DGCR2: variants seen among roughly 807,000 people sequenced by gnomAD.
DGCR2 encodes the protein DiGeorge syndrome critical region gene 2, also known as integral membrane protein DGCR2/IDD.
In DGCR2, 24 loss-of-function variants were observed where a neutral mutation model predicts 51.6. The ratio of observed to expected loss-of-function variants is 0.47; its 90% CI spans 0.34 to 0.65. The LOEUF is 0.65. DGCR2 is among the 30% of genes least tolerant of loss of function. The pLI, the probability that DGCR2 is intolerant of heterozygous loss-of-function variation, is 0.01. For missense variants in DGCR2, 765 were observed against 772.1 expected (o/e 0.99, Z 0.11); for synonymous variants, 340 against 315.4 (o/e 1.08, Z -0.82).
At chr22:19,117,244 C>T (rs1247937399) in intron 1 of DGCR2, among the ~76,000 whole-genome samples, 1 of 152,232 alleles carries the variant, frequency 6.6e-6, no homozygotes, top group Non-Finnish European at 1.5e-5. Flanking sequence ...GGGGAAAGTG[C>T]CCACAAGCTA....
At position 19,122,118 on chromosome 22, in the gene DGCR2, C is replaced by A. The variant is rs1368417335; in HGVS notation, c.79+10G>T. The A allele has an allele frequency of 4.0e-6, 6 of 1,486,626 alleles. No homozygotes were observed. Among genetic ancestry groups the A allele is most frequent in the Non-Finnish European group, 5.4e-6 (6 of 1,117,074 alleles). The allele number at this position is 1,486,626 out of a possible 1,614,324, so 92.1% of individuals were successfully genotyped here. A position where few individuals can be genotyped will look rare whatever the true frequency, so the allele number is the denominator to read the frequency against. ...CCCAGCCCCCACACCGCCCCCATCG[C>A]GCGGCGCACCTGGCCGCAGCGGCTC... On this transcript the variant is annotated intron_variant, in intron 1 of 9. Coordinates refer to ENST00000263196, the MANE Select transcript of DGCR2 (RefSeq NM_005137.3).
At chr22:19,055,373 G>C (rs1362038657) in intron 6 of DGCR2, among the ~76,000 whole-genome samples, 1 of 151,956 alleles carries the variant, frequency 6.6e-6, no homozygotes, top group East Asian at 1.9e-4. Flanking sequence ...ACTTCATACA[G>C]GTACATTCTA....
intron 1 of DGCR2, among the ~76,000 whole-genome samples, chr22:19,103,286 A>C (rs1310398412): frequency 6.9e-6 from 1 of 145,828 alleles, no homozygotes; most frequent in African/African-American, 2.5e-5. Flanking sequence ...TGGGATGATA[A>C]AAAAAAAAAA....
At chr22:19,040,348 G>A (rs543890642) in intron 9 of DGCR2, among the ~76,000 whole-genome samples, 16 of 152,308 alleles carry the variant, frequency 1.1e-4, no homozygotes, top group South Asian at 6.2e-4. Context: ...CCATTCTGCC[G>A]AGATGGGCAG....
intron 1 of DGCR2, among the ~76,000 whole-genome samples, chr22:19,100,900 T>C (rs2083194430): frequency 6.6e-6 from 1 of 150,990 alleles, no homozygotes; most frequent in South Asian, 2.1e-4. Context: ...AGGTCAGGAG[T>C]TCAAGACCAG....
chr22:19,043,255 G>A (rs1021491648), intron 7 of DGCR2, among the ~76,000 whole-genome samples: 13 of 152,324 alleles, frequency 8.5e-5, no homozygotes, highest in Non-Finnish European at 1.5e-4. Context: ...GGTGGAGGCC[G>A]GGGTGCTGTT....
chr22:19,092,847 C>G (rs1306859450), intron 1 of DGCR2, among the ~76,000 whole-genome samples: 4 of 151,764 alleles, frequency 2.6e-5, no homozygotes, highest in African/African-American at 4.8e-5. Context: ...GAAGAAAGAA[C>G]AGGCCTTTCA....
intron 5 of DGCR2, among the ~76,000 whole-genome samples, chr22:19,060,289 C>T (rs547439550): frequency 7.2e-4 from 110 of 152,326 alleles, no homozygotes; most frequent in African/African-American, 2.6e-3. Context: ...CAGCGGGCAA[C>T]ACCATACAAT....
In DGCR2 at chr22:19,104,043, AAG is replaced by A. The variant is rs1409679339; in HGVS notation, c.80-14555_80-14554del. ...TTCTTTCAAAAGAGAGAGAGAAAAA[AAG>A]AGAGAATCCCAAGCATACATCCCAT... On this transcript the variant is annotated intron_variant, in intron 1 of 9. Transcript: ENST00000263196. 3.9e-5 allele frequency among the ~76,000 whole-genome samples: 6 copies of A among 152,262 alleles called. No homozygotes were observed. In the South Asian group the frequency reaches 1.0e-3, roughly 26 times the overall value.
chr22:19,081,271 T>C (rs1354808278), intron 2 of DGCR2, among the ~76,000 whole-genome samples: 1 of 152,242 alleles, frequency 6.6e-6, no homozygotes, highest in Non-Finnish European at 1.5e-5. Context: ...CTCCCAGTCT[T>C]ATATCCCTCT....
intron 5 of DGCR2, among the ~76,000 whole-genome samples, chr22:19,062,774 T>TGCTCTC (rs1555903868): frequency 8.8e-6 from 1 of 113,872 alleles, no homozygotes; most frequent in Non-Finnish European, 1.9e-5. Context: ...CACACATGCA[T>TGCTCTC]GCTCACTCTC....
chr22:19,112,342 T>C (rs535342554), intron 1 of DGCR2, among the ~76,000 whole-genome samples: 1 of 151,802 alleles, frequency 6.6e-6, no homozygotes, highest in South Asian at 2.1e-4. Flanking sequence ...CCTTACCAAT[T>C]AGTGTAATGA....
chr22:19,073,484 G>A (rs2082839243), intron 2 of DGCR2, among the ~76,000 whole-genome samples: 1 of 152,192 alleles, frequency 6.6e-6, no homozygotes, highest in Non-Finnish European at 1.5e-5. Context: ...GAACAGGAAA[G>A]TGACCCCTTT....
intron 2 of DGCR2, among the ~76,000 whole-genome samples, chr22:19,076,929 A>G (rs1414926236): frequency 6.6e-6 from 1 of 151,474 alleles, no homozygotes; most frequent in African/African-American, 2.4e-5. Flanking sequence ...ACGGGGTTTC[A>G]CCGTGTTAGC....
chr22:19,109,613 GGA>G (rs960640919), intron 1 of DGCR2, among the ~76,000 whole-genome samples: 3 of 152,194 alleles, frequency 2.0e-5, no homozygotes, highest in African/African-American at 4.8e-5. Flanking sequence ...TTGCCAGGCT[GGA>G]GAGAGAGATA....
intron 3 of DGCR2, among the ~76,000 whole-genome samples, chr22:19,066,859 A>G (rs1181436212): frequency 6.6e-6 from 1 of 152,216 alleles, no homozygotes; most frequent in Non-Finnish European, 1.5e-5. Context: ...GGAGCTGAGC[A>G]TCAGGACCCC....
chr22:19,102,495 G>A (rs1310002728), intron 1 of DGCR2, among the ~76,000 whole-genome samples: 3 of 152,084 alleles, frequency 2.0e-5, no homozygotes, highest in Non-Finnish European at 2.9e-5. Context: ...GAGGTCAGGC[G>A]ATCAAGACCA....
chr22:19,086,828 T>G (rs540195472), intron 2 of DGCR2, among the ~76,000 whole-genome samples: 1 of 152,328 alleles, frequency 6.6e-6, no homozygotes, highest in Non-Finnish European at 1.5e-5. Flanking sequence ...TGCCAGGCCA[T>G]GTGGTCAAGA....
chr22:19,090,081 C>T (rs2800969), intron 1 of DGCR2, among the ~76,000 whole-genome samples: 35,765 of 152,052 alleles, frequency 0.24, 4,756 homozygotes, highest in African/African-American at 0.37. Context: ...ATGAAAAGTA[C>T]GCTGCAGAAC....
Sources: gnomAD v4.1 joint callset for allele counts (sites outside exome capture counted in the v4.1 genomes callset) on GRCh38, gnomAD v4.1.1 for gene constraint, MANE v1.5 for transcripts, NCBI Gene and HGNC (gene_info 2026-07-23, HGNC 2026-07-21) for gene names.